Variants in PAK1 observed in about 807,000 individuals in gnomAD.
PAK1 encodes serine/threonine-protein kinase PAK 1.
Under a neutral mutation model 67.4 loss-of-function variants are expected in PAK1, and 29 were observed. The ratio of observed to expected loss-of-function variants is 0.43; its 90% CI spans 0.32 to 0.59. The LOEUF is 0.59. PAK1 is among the 20% of genes least tolerant of loss of function. PAK1 has a pLI of 0.07. For synonymous variants in PAK1, 223 were observed against 237.4 expected (o/e 0.94, Z 0.56); for missense variants, 337 against 670.7 (o/e 0.50, Z 5.50).
intron 2 of PAK1, among the ~76,000 whole-genome samples, chr11:77,389,882 TTA>T (rs1230707030): frequency 6.6e-6 from 1 of 152,234 alleles, no homozygotes; most frequent in Non-Finnish European, 1.5e-5. Context: ...GATGAGAATC[TTA>T]TTACCTTTCT....
intron 6 of PAK1, among the ~76,000 whole-genome samples, chr11:77,358,547 A>G (rs1946351122): frequency 6.6e-6 from 1 of 152,096 alleles, no homozygotes; most frequent in Admixed American, 6.6e-5. Flanking sequence ...TAGCAAGACA[A>G]TTTGTTGCTT....
intron 2 of PAK1, among the ~76,000 whole-genome samples, chr11:77,388,117 T>C (rs930251864): frequency 3.9e-5 from 6 of 152,236 alleles, no homozygotes; most frequent in Admixed American, 3.9e-4. Flanking sequence ...TAACTCTGTA[T>C]GTTTTCTACC....
chr11:77,484,963 A>G, the PAK1 span, among the ~76,000 whole-genome samples: 3 of 152,316 alleles, frequency 2.0e-5, no homozygotes, highest in East Asian at 5.8e-4. Context: ...CAGGCAAAAA[A>G]AGAGAGAGCT....
At chr11:77,474,479 A>T (rs1033448301), upstream of PAK1, 2 of 152,002 alleles carry the variant, frequency 1.3e-5, no homozygotes, top group African/African-American at 4.8e-5. Context: ...TCTATCAGAC[A>T]ATTTTGGGAC....
chr11:77,478,904 G>A (rs1429211688), upstream of PAK1, among the ~76,000 whole-genome samples: 6 of 132,140 alleles, frequency 4.5e-5, no homozygotes, highest in East Asian at 2.2e-4. Flanking sequence ...GTGAAACCCC[G>A]TCTCCACTAA....
intron 2 of PAK1, among the ~76,000 whole-genome samples, chr11:77,380,204 C>T (rs1426273805): frequency 2.0e-5 from 3 of 151,968 alleles, no homozygotes; most frequent in African/African-American, 7.2e-5. Flanking sequence ...AACTAAAGTA[C>T]GGGAGGTGGC....
chr11:77,453,226 C>T (rs982660763), intron 1 of PAK1, among the ~76,000 whole-genome samples: 1 of 152,092 alleles, frequency 6.6e-6, no homozygotes, highest in Non-Finnish European at 1.5e-5. Context: ...GTATGGCGCA[C>T]GCCTATAGTC....
chr11:77,425,834 T>G (rs1955515396), intron 1 of PAK1, among the ~76,000 whole-genome samples: 5 of 152,192 alleles, frequency 3.3e-5, no homozygotes, highest in Admixed American at 3.3e-4. Context: ...CTTAGTGCAG[T>G]GGCTTCTGCG....
At chr11:77,343,434 C>T (rs1340792731) in intron 10 of PAK1, among the ~76,000 whole-genome samples, 4 of 152,144 alleles carry the variant, frequency 2.6e-5, no homozygotes, top group Admixed American at 2.6e-4. Context: ...TAGTTCTGCA[C>T]ACTGCATTTT....
At chr11:77,419,891 A>G (rs1955167176) in intron 1 of PAK1, among the ~76,000 whole-genome samples, 1 of 152,200 alleles carries the variant, frequency 6.6e-6, no homozygotes, top group Non-Finnish European at 1.5e-5. Context: ...TTAGATCTAG[A>G]TATGAGGTGG....
chr11:77,324,940 C>G (rs1939429057), intron 14 of PAK1, among the ~76,000 whole-genome samples: 1 of 152,120 alleles, frequency 6.6e-6, no homozygotes, highest in African/African-American at 2.4e-5. Context: ...ATAAAAGATC[C>G]TAGCTAAATC....
At chr11:77,332,664 T>A in intron 14 of PAK1, 66 bp downstream of exon 14, 1 of 1,317,034 alleles carries the variant, frequency 7.6e-7, no homozygotes, top group South Asian at 1.2e-5. Context: ...CTTACAAACA[T>A]GAAGTAAAAA....
At chr11:77,506,426 C>T in the PAK1 span, among the ~76,000 whole-genome samples, 2 of 152,342 alleles carry the variant, frequency 1.3e-5, no homozygotes, top group South Asian at 4.1e-4. Context: ...TTGCTTGTCA[C>T]TACTGTGCCT....
the PAK1 span, among the ~76,000 whole-genome samples, chr11:77,494,406 A>G: frequency 6.6e-6 from 1 of 152,080 alleles, no homozygotes; most frequent in Non-Finnish European, 1.5e-5. Flanking sequence ...CCATTTAAAC[A>G]TTTTTCTTTA....
chr11:77,488,790 A>T, the PAK1 span, among the ~76,000 whole-genome samples: 3 of 152,174 alleles, frequency 2.0e-5, no homozygotes, highest in Admixed American at 1.3e-4. Context: ...AAGTATGATT[A>T]AAAAATCTAG....
intron 5 of PAK1, among the ~76,000 whole-genome samples, chr11:77,372,163 T>G (rs1230040796): frequency 6.6e-6 from 1 of 152,238 alleles, no homozygotes; most frequent in Non-Finnish European, 1.5e-5. Context: ...GCTATCACTC[T>G]TCCTACAAAA....
In PAK1 at chr11:77,392,249, A is replaced by G. The variant is rs1951233599; in HGVS notation, c.190+82T>C. The G allele has an allele frequency of 3.1e-6, 3 of 983,374 alleles. No homozygotes were observed. The South Asian group carries it at 6.0e-5, about 20-fold the overall frequency. 60.9% of individuals were successfully genotyped at this position (983,374 alleles called of 1,614,324 possible). ...AAACATTAAAGGAAAATTAAGTCAAAGACAACAGATCTTTTATCCAGGTTA... is the reference window on the plus strand; with the variant it reads ...AAACATTAAAGGAAAATTAAGTCAAGGACAACAGATCTTTTATCCAGGTTA... On this transcript the variant is annotated intron_variant, in intron 2 of 14. Transcript: ENST00000356341.
At chr11:77,435,825 T>C (rs1029032185) in intron 1 of PAK1, among the ~76,000 whole-genome samples, 2 of 152,098 alleles carry the variant, frequency 1.3e-5, no homozygotes, top group African/African-American at 2.4e-5. Flanking sequence ...TTTCTCTTAA[T>C]AGACATCCCT....
chr11:77,339,764 A>G (rs994722245), intron 11 of PAK1, among the ~76,000 whole-genome samples: 7 of 151,958 alleles, frequency 4.6e-5, no homozygotes, highest in Admixed American at 2.0e-4. Context: ...CTCATCTTCT[A>G]TGCTTCCCCT....
Sources: gnomAD v4.1 joint callset for allele counts (sites outside exome capture counted in the v4.1 genomes callset) on GRCh38, gnomAD v4.1.1 for gene constraint, MANE v1.5 for transcripts, NCBI Gene and HGNC (gene_info 2026-07-23, HGNC 2026-07-21) for gene names.